NTM: variants seen among roughly 807,000 people sequenced by gnomAD.
NTM encodes neurotrimin, also known as IgLON family member 2.
NTM carries 13 observed loss-of-function variants against 42.1 expected under a neutral mutation model. The ratio of observed to expected loss-of-function variants is 0.31; its 90% CI spans 0.20 to 0.49. The LOEUF (loss-of-function observed/expected upper bound fraction) is 0.49, where lower values mean the gene tolerates loss of function less well. Among genes scored for constraint, NTM ranks in the 20% least tolerant of loss-of-function variants. The pLI is 0.99. For missense variants in NTM, 373 were observed against 452.8 expected, an observed-to-expected ratio of 0.82 and a Z score of 1.60; for synonymous variants, 187 against 179.2, an observed-to-expected ratio of 1.04 and a Z score of -0.35.
rs186042986 is a variant in NTM, at chr11:131,957,201, G to A, written c.167+45553G>A. 2.7e-4 allele frequency among the ~76,000 whole-genome samples: 41 copies of A among 152,260 alleles called. No individual in the cohort carries two copies. In the East Asian group the frequency reaches 7.9e-3, roughly 29 times the overall value. On this transcript the variant is annotated intron_variant, in intron 2 of 8. Coordinates refer to ENST00000683400, the MANE Select transcript of NTM (RefSeq NM_001352005.2). ...TACAGCTGTCTTACTTCACAAAATT[G>A]TCCTGAGGACCAGATAATTGTAACA...
chr11:132,217,808 T>A (rs372153077), intron 4 of NTM, among the ~76,000 whole-genome samples: 1 of 133,270 alleles, frequency 7.5e-6, no homozygotes, highest in African/African-American at 2.7e-5. Flanking sequence ...GGAGGCAAAG[T>A]GACACCCGGA....
chr11:131,698,785 A>G (rs1375501841), intron 1 of NTM, among the ~76,000 whole-genome samples: 2 of 152,178 alleles, frequency 1.3e-5, no homozygotes, highest in Admixed American at 6.5e-5. Context: ...ATGAAATTCT[A>G]CTGATTTCTT....
At chr11:131,931,866 T>C (rs1238114163) in intron 2 of NTM, among the ~76,000 whole-genome samples, 2 of 152,082 alleles carry the variant, frequency 1.3e-5, no homozygotes, top group East Asian at 3.9e-4. Context: ...GCAGCCAAAA[T>C]ACAATAGGGA....
intron 1 of NTM, among the ~76,000 whole-genome samples, chr11:131,870,685 G>C (rs2047688333): frequency 6.6e-6 from 1 of 152,106 alleles, no homozygotes; most frequent in South Asian, 2.1e-4. Flanking sequence ...ACAACAACTT[G>C]CAAAATTTAG....
intron 1 of NTM, among the ~76,000 whole-genome samples, chr11:131,618,793 C>T (rs940255398): frequency 1.3e-5 from 2 of 152,334 alleles, no homozygotes; most frequent in South Asian, 2.1e-4. Flanking sequence ...CATGGATAGA[C>T]AGGAACATGT....
intron 4 of NTM, among the ~76,000 whole-genome samples, chr11:132,283,843 C>T (rs2094111577): frequency 6.6e-6 from 1 of 152,070 alleles, no homozygotes; most frequent in Admixed American, 6.5e-5. Context: ...TACCAGTAAC[C>T]GTGTCTGCAG....
intron 2 of NTM, among the ~76,000 whole-genome samples, chr11:132,032,144 A>G (rs1392575343): frequency 6.6e-6 from 1 of 152,102 alleles, no homozygotes; most frequent in Non-Finnish European, 1.5e-5. Context: ...GCCACTGACC[A>G]TGCATCCACT....
chr11:132,222,102 G>T (rs2085286044), intron 4 of NTM, among the ~76,000 whole-genome samples: 1 of 152,112 alleles, frequency 6.6e-6, no homozygotes, highest in Non-Finnish European at 1.5e-5. Flanking sequence ...CCAGGTCTCT[G>T]CATTCCACCC....
chr11:132,063,745 G>A (rs751972150), intron 2 of NTM, among the ~76,000 whole-genome samples: 3 of 152,314 alleles, frequency 2.0e-5, no homozygotes, highest in African/African-American at 7.2e-5. Context: ...ATGGACAGAC[G>A]TGTCCTTCTT....
At chr11:131,881,462 T>C (rs568200895) in intron 1 of NTM, among the ~76,000 whole-genome samples, 2 of 144,040 alleles carry the variant, frequency 1.4e-5, no homozygotes, top group South Asian at 2.2e-4. Context: ...TAAAATGTAA[T>C]TGTGAGCTCT....
intron 1 of NTM, among the ~76,000 whole-genome samples, chr11:131,403,841 C>A (rs965770924): frequency 1.3e-5 from 2 of 152,084 alleles, no homozygotes; most frequent in African/African-American, 4.8e-5. Context: ...TTGTAGGGCC[C>A]GAAATTCACT....
intron 1 of NTM, chr11:131,536,680 G>T (rs1354901422): frequency 6.6e-6 from 1 of 152,226 alleles, no homozygotes; most frequent in Non-Finnish European, 1.5e-5. Context: ...TCTACTTGAG[G>T]AAACATGATG....
chr11:131,610,990 G>A (rs1017584774), intron 1 of NTM, among the ~76,000 whole-genome samples: 1 of 152,116 alleles, frequency 6.6e-6, no homozygotes, highest in African/African-American at 2.4e-5. Flanking sequence ...GAGGTGGCCA[G>A]ACAAAGAGAT....
At chr11:131,525,893 G>A (rs378523) in intron 1 of NTM, among the ~76,000 whole-genome samples, 32,548 of 152,104 alleles carry the variant, frequency 0.21, 3,740 homozygotes, top group African/African-American at 0.3. Context: ...TGCCTGGAAA[G>A]AAATGCCTGA....
At chr11:132,321,621 A>G (rs2095570461) in intron 7 of NTM, among the ~76,000 whole-genome samples, 1 of 152,210 alleles carries the variant, frequency 6.6e-6, no homozygotes, top group African/African-American at 2.4e-5. Context: ...ATTATCCAGG[A>G]GAATTTCCCC....
At chr11:131,415,466 G>T (rs1435754871) in intron 1 of NTM, among the ~76,000 whole-genome samples, 1 of 152,202 alleles carries the variant, frequency 6.6e-6, no homozygotes, top group African/African-American at 2.4e-5. Context: ...TATTGCTTGA[G>T]AATATAATCA....
At chr11:132,260,813 A>C (rs1286823575) in intron 4 of NTM, among the ~76,000 whole-genome samples, 1 of 152,194 alleles carries the variant, frequency 6.6e-6, no homozygotes, top group African/African-American at 2.4e-5. Flanking sequence ...AACACCACGG[A>C]ACCTTCTGTT....
At chr11:131,485,793 T>A (rs1408997253) in intron 1 of NTM, among the ~76,000 whole-genome samples, 2 of 152,110 alleles carry the variant, frequency 1.3e-5, no homozygotes, top group Admixed American at 1.3e-4. Context: ...CTGAAATGGG[T>A]ATTGTGATTT....
At chr11:131,953,120 A>G (rs1367268634) in intron 2 of NTM, among the ~76,000 whole-genome samples, 1 of 152,202 alleles carries the variant, frequency 6.6e-6, no homozygotes, top group Non-Finnish European at 1.5e-5. Flanking sequence ...AAGGACAAGC[A>G]TGGGGTAGGT....
Sources: gnomAD v4.1 joint callset for allele counts (sites outside exome capture counted in the v4.1 genomes callset) on GRCh38, gnomAD v4.1.1 for gene constraint, MANE v1.5 for transcripts, NCBI Gene and HGNC (gene_info 2026-07-23, HGNC 2026-07-21) for gene names.